Variants in MBNL2 observed in about 807,000 individuals in gnomAD.
MBNL2 encodes muscleblind like splicing regulator 2, also known as muscleblind-like protein 2.
MBNL2 carries 17 observed loss-of-function variants against 41.9 expected under a neutral mutation model. The observed-to-expected ratio is 0.41, with a 90% confidence interval of 0.28 to 0.61. The LOEUF is 0.61. Among genes scored for constraint, MBNL2 ranks in the 20% least tolerant of loss-of-function variants. MBNL2 has a pLI of 0.35. For synonymous variants in MBNL2, 195 were observed against 182.9 expected, an observed-to-expected ratio of 1.07 and a Z score of -0.53; for missense variants, 336 against 505.6, an observed-to-expected ratio of 0.66 and a Z score of 3.22.
the MBNL2 span, among the ~76,000 whole-genome samples, chr13:97,200,249 C>T: frequency 3.9e-5 from 6 of 152,282 alleles, no homozygotes; most frequent in South Asian, 6.2e-4. Context: ...ATTGGAGGAG[C>T]GGTCAGTTGA....
chr13:97,144,532 C>A, the MBNL2 span, among the ~76,000 whole-genome samples: 1 of 146,994 alleles, frequency 6.8e-6, no homozygotes, highest in Non-Finnish European at 1.5e-5. Flanking sequence ...CGGGTTCAAG[C>A]AATTCTCCTG....
intron 3 of MBNL2, among the ~76,000 whole-genome samples, chr13:97,340,148 C>A (rs1019291958): frequency 1.3e-5 from 2 of 152,194 alleles, no homozygotes; most frequent in African/African-American, 4.8e-5. Flanking sequence ...TGAGAACTAC[C>A]AGAACCTTTC....
At chr13:97,170,617 C>T in the MBNL2 span, among the ~76,000 whole-genome samples, 1 of 152,102 alleles carries the variant, frequency 6.6e-6, no homozygotes, top group East Asian at 1.9e-4. Flanking sequence ...TGTTCTCTTG[C>T]ACTCAGTTGC....
intron 7 of MBNL2, 24 bp from the exon 8 acceptor site, chr13:97,365,112 C>T (rs758589798): frequency 6.5e-7 from 1 of 1,548,926 alleles, no homozygotes; most frequent in Non-Finnish European, 8.9e-7. Context: ...TTCACTTTTT[C>T]CACCCACCAT....
At chr13:97,154,916 C>G in the MBNL2 span, among the ~76,000 whole-genome samples, 1 of 151,938 alleles carries the variant, frequency 6.6e-6, no homozygotes, top group African/African-American at 2.4e-5. Context: ...ATATTGAGTA[C>G]TGCACAAATA....
intron 1 of MBNL2, among the ~76,000 whole-genome samples, 176 bp downstream of exon 1, chr13:97,222,707 A>C (rs897310005): frequency 7.2e-5 from 11 of 152,228 alleles, no homozygotes; most frequent in African/African-American, 2.7e-4. Context: ...GAAATGGCAA[A>C]GCTTGAATCT....
At chr13:97,374,560 A>G (rs2064782646) in intron 8 of MBNL2, among the ~76,000 whole-genome samples, 1 of 147,880 alleles carries the variant, frequency 6.8e-6, no homozygotes, top group African/African-American at 2.5e-5. Flanking sequence ...CGCTCAGCTC[A>G]TTTTTGTATT....
chr13:97,324,337 C>G (rs1461800039), intron 2 of MBNL2, among the ~76,000 whole-genome samples: 2 of 152,186 alleles, frequency 1.3e-5, no homozygotes, highest in Non-Finnish European at 2.9e-5. Context: ...GGATAACATG[C>G]ACCCGTCGTA....
intron 2 of MBNL2, among the ~76,000 whole-genome samples, chr13:97,325,028 C>T (rs1361879146): frequency 6.6e-6 from 1 of 152,132 alleles, no homozygotes; most frequent in African/African-American, 2.4e-5. Flanking sequence ...TCAGACACAC[C>T]TAGGAACAAT....
At chr13:97,329,746 T>TACAC (rs1447858896) in intron 2 of MBNL2, among the ~76,000 whole-genome samples, 1 of 216 alleles carries the variant, frequency 4.6e-3, no homozygotes, top group African/African-American at 0.023. Context: ...ACATACACCA[T>TACAC]ACATACTACA....
At chr13:97,343,474 TAAAC>T (rs1253212400) in intron 4 of MBNL2, among the ~76,000 whole-genome samples, 4 of 152,168 alleles carry the variant, frequency 2.6e-5, no homozygotes, top group Non-Finnish European at 1.5e-5. Flanking sequence ...GGAAAAATAT[TAAAC>T]AATCAATGGA....
At chr13:97,365,742 T>C (rs1024450280) in intron 8 of MBNL2, among the ~76,000 whole-genome samples, 1 of 152,242 alleles carries the variant, frequency 6.6e-6, no homozygotes. Flanking sequence ...TAATAGCAGA[T>C]AGTTGTCCTC....
intron 1 of MBNL2, among the ~76,000 whole-genome samples, chr13:97,231,133 T>C (rs1353047097): frequency 6.6e-6 from 1 of 152,190 alleles, no homozygotes; most frequent in Non-Finnish European, 1.5e-5. Flanking sequence ...CAGTTCTCAA[T>C]TGAACCCAGC....
At chr13:97,238,651 A>G (rs1267397633) in intron 1 of MBNL2, among the ~76,000 whole-genome samples, 1 of 152,134 alleles carries the variant, frequency 6.6e-6, no homozygotes, top group Non-Finnish European at 1.5e-5. Context: ...ACTGCAAGGC[A>G]CCAGGGAAGT....
At chr13:97,231,374 A>G (rs1004024180) in intron 1 of MBNL2, among the ~76,000 whole-genome samples, 17 of 152,212 alleles carry the variant, frequency 1.1e-4, no homozygotes, top group African/African-American at 3.9e-4. Flanking sequence ...CAGGTGATAA[A>G]GCTGATGTTC....
At chr13:97,159,075 T>G in the MBNL2 span, among the ~76,000 whole-genome samples, 12 of 152,012 alleles carry the variant, frequency 7.9e-5, no homozygotes, top group Non-Finnish European at 1.3e-4. Flanking sequence ...TGAATCTGGG[T>G]GCTCCTGTAT....
intron 1 of MBNL2, among the ~76,000 whole-genome samples, chr13:97,243,721 C>T (rs186083869): frequency 1.1e-4 from 17 of 152,260 alleles, no homozygotes; most frequent in African/African-American, 4.1e-4. Context: ...TTCTTCTCTC[C>T]TCCCCACCCT....
At chr13:97,313,526 A>T (rs949741) in intron 2 of MBNL2, among the ~76,000 whole-genome samples, 1 of 152,092 alleles carries the variant, frequency 6.6e-6, no homozygotes, top group South Asian at 2.1e-4. Context: ...TGGGGTTGGC[A>T]GAAGTTTGAC....
chr13:97,303,524 C>T (rs1397989677), intron 2 of MBNL2, among the ~76,000 whole-genome samples: 3 of 152,160 alleles, frequency 2.0e-5, no homozygotes, highest in Non-Finnish European at 2.9e-5. Flanking sequence ...AGCTAGCTGC[C>T]GGCTCTCTCA....
Sources: allele counts gnomAD v4.1 joint callset (sites outside exome capture counted in the v4.1 genomes callset), GRCh38; gene constraint gnomAD v4.1.1; transcripts MANE v1.5; gene names NCBI Gene and HGNC (gene_info 2026-07-23, HGNC 2026-07-21).